MACROD2: variants seen among roughly 807,000 people sequenced by gnomAD.
MACROD2 encodes ADP-ribose glycohydrolase MACROD2.
Under a neutral mutation model 70.4 loss-of-function variants are expected in MACROD2, and 36 were observed. The ratio of observed to expected loss-of-function variants is 0.51; its 90% confidence interval spans 0.39 to 0.68. The LOEUF (loss-of-function observed/expected upper bound fraction) is 0.68. Among genes scored for constraint, MACROD2 ranks in the 30% least tolerant of loss-of-function variants. The pLI is 0.00. For synonymous variants in MACROD2, 172 were observed against 178.8 expected (o/e 0.96, Z 0.30); for missense variants, 496 against 538.4 (o/e 0.92, Z 0.78).
chr20:15,608,360 C>T (rs1480251426), intron 8 of MACROD2, among the ~76,000 whole-genome samples: 1 of 152,228 alleles, frequency 6.6e-6, no homozygotes, highest in Non-Finnish European at 1.5e-5. Flanking sequence ...AATGTAAACA[C>T]AGGCTTTAAA....
chr20:15,638,294 A>G (rs1294759427), intron 8 of MACROD2, among the ~76,000 whole-genome samples: 2 of 152,220 alleles, frequency 1.3e-5, no homozygotes, highest in African/African-American at 4.8e-5. Context: ...AGGGAGAAAT[A>G]AAAAATATCT....
At chr20:15,427,217 G>A (rs1016567781) in intron 6 of MACROD2, among the ~76,000 whole-genome samples, 2 of 152,042 alleles carry the variant, frequency 1.3e-5, no homozygotes, top group Non-Finnish European at 2.9e-5. Flanking sequence ...ACTACCATTT[G>A]CTCCCACATT....
intron 6 of MACROD2, among the ~76,000 whole-genome samples, chr20:15,309,154 C>T (rs1004845211): frequency 6.6e-6 from 1 of 152,178 alleles, no homozygotes; most frequent in African/African-American, 2.4e-5. Context: ...TTTTCTATAA[C>T]TTCTACAAAG....
intron 8 of MACROD2, among the ~76,000 whole-genome samples, chr20:15,656,941 G>A (rs16996291): frequency 0.14 from 21,560 of 151,990 alleles, 1,866 homozygotes; most frequent in Middle Eastern, 0.23. Context: ...TTTTAAGTAA[G>A]TATATGATAA....
intron 5 of MACROD2, among the ~76,000 whole-genome samples, chr20:15,204,796 T>A (rs1336715188): frequency 6.6e-6 from 1 of 152,100 alleles, no homozygotes; most frequent in Middle Eastern, 3.2e-3. Flanking sequence ...TCTCAGAGAA[T>A]TTCTATACTA....
intron 4 of MACROD2, among the ~76,000 whole-genome samples, chr20:14,516,728 G>T (rs2085104173): frequency 6.6e-6 from 1 of 152,062 alleles, no homozygotes; most frequent in Admixed American, 6.6e-5. Context: ...TTTGAAGTCA[G>T]ATAACATGAT....
chr20:15,933,788 G>T (rs1474674821), intron 11 of MACROD2, among the ~76,000 whole-genome samples: 1 of 152,150 alleles, frequency 6.6e-6, no homozygotes, highest in Non-Finnish European at 1.5e-5. Context: ...TATGCTTCAG[G>T]TTATTTCTCT....
intron 5 of MACROD2, among the ~76,000 whole-genome samples, chr20:15,208,492 C>G (rs932867546): frequency 1.5e-4 from 23 of 151,810 alleles, no homozygotes; most frequent in Non-Finnish European, 3.1e-4. Context: ...TATATAATAC[C>G]CTGTATGTTA....
At chr20:14,106,606 C>T (rs2054372283) in intron 3 of MACROD2, among the ~76,000 whole-genome samples, 9 of 152,250 alleles carry the variant, frequency 5.9e-5, no homozygotes, top group Admixed American at 3.3e-4. Context: ...GTAGTGGTTA[C>T]AGTGGGCCTT....
At chr20:14,744,012 CT>C (rs2071767474) in intron 5 of MACROD2, among the ~76,000 whole-genome samples, 2 of 152,080 alleles carry the variant, frequency 1.3e-5, no homozygotes, top group Non-Finnish European at 2.9e-5. Context: ...GAAATAGATG[CT>C]GTTTTCAGAG....
chr20:14,858,958 G>T (rs1285372381), intron 5 of MACROD2, among the ~76,000 whole-genome samples: 1 of 152,124 alleles, frequency 6.6e-6, no homozygotes, highest in African/African-American at 2.4e-5. Flanking sequence ...TTCAGGTAAA[G>T]CCTATGAGAT....
At chr20:14,610,590 G>A (rs1251712926) in intron 4 of MACROD2, among the ~76,000 whole-genome samples, 1 of 151,976 alleles carries the variant, frequency 6.6e-6, no homozygotes, top group Non-Finnish European at 1.5e-5. Context: ...TAAGTATAGT[G>A]TTTGCTTGTT....
chr20:15,502,008 G>A (rs1234009304), intron 8 of MACROD2, among the ~76,000 whole-genome samples: 1 of 151,904 alleles, frequency 6.6e-6, no homozygotes, highest in Admixed American at 6.6e-5. Flanking sequence ...CTCCCCCTAA[G>A]CAACAGATAC....
chr20:14,326,832 A>G lies in MACROD2; in HGVS notation c.272-166647A>G. On this transcript the variant is annotated intron_variant, in intron 3 of 17. Coordinates refer to ENST00000684519, the MANE Select transcript of MACROD2 (RefSeq NM_001351661.2). The surrounding 1 kb of genome is among the most constrained non-coding windows in gnomAD (Gnocchi z 5.5). ...GCACCAGGGACAGCTCTGTCAAATT[A>G]ACTAGGTTGAAGAAAACTTTGTCAC... is the stretch of plus-strand genomic sequence containing the variant. The G allele has an allele frequency of 1.2e-6, 2 of 1,613,696 alleles. No homozygotes were observed. Among genetic ancestry groups the G allele is most frequent in the Non-Finnish European group, 1.7e-6 (2 of 1,179,784 alleles).
intron 8 of MACROD2, among the ~76,000 whole-genome samples, chr20:15,688,997 G>A (rs2050263805): frequency 6.6e-6 from 1 of 152,200 alleles, no homozygotes; most frequent in Non-Finnish European, 1.5e-5. Flanking sequence ...GATACTAGGA[G>A]GACATTGTTC....
intron 8 of MACROD2, among the ~76,000 whole-genome samples, chr20:15,620,289 G>T (rs2049106957): frequency 6.6e-6 from 1 of 152,176 alleles, no homozygotes; most frequent in Non-Finnish European, 1.5e-5. Flanking sequence ...ATGTGTTTGT[G>T]TTGGGGTTTG....
chr20:15,006,408 G>C (rs2075038005), intron 5 of MACROD2, among the ~76,000 whole-genome samples: 1 of 151,804 alleles, frequency 6.6e-6, no homozygotes. Context: ...AAAATGAGTA[G>C]GTTCTGGAGA....
intron 3 of MACROD2, among the ~76,000 whole-genome samples, chr20:14,161,436 C>T (rs1382007367): frequency 6.6e-6 from 1 of 151,778 alleles, no homozygotes; most frequent in Non-Finnish European, 1.5e-5. Flanking sequence ...ATCCGCCCAC[C>T]CCGTGTCCCA....
intron 6 of MACROD2, among the ~76,000 whole-genome samples, chr20:15,429,689 C>A (rs1406017241): frequency 1.3e-5 from 2 of 151,942 alleles, no homozygotes; most frequent in African/African-American, 4.8e-5. Flanking sequence ...TTATTATGGT[C>A]CATAGCAGCT....
Sources: gnomAD v4.1 joint callset for allele counts (sites outside exome capture counted in the v4.1 genomes callset) on GRCh38, gnomAD v4.1.1 for gene constraint, Gnocchi (gnomAD v3.1) non-coding constraint, MANE v1.5 for transcripts, NCBI Gene and HGNC (gene_info 2026-07-23, HGNC 2026-07-21) for gene names.